Variants in PIGS observed in about 807,000 individuals in gnomAD.
PIGS encodes GPI-anchor transamidase component PIGS.
Under a neutral mutation model 58.2 loss-of-function variants are expected in PIGS, and 37 were observed. The ratio of observed to expected loss-of-function variants is 0.64; its 90% CI spans 0.49 to 0.84. PIGS has a LOEUF of 0.84. Among genes scored for constraint, PIGS ranks in the 40% least tolerant of loss-of-function variants. The pLI, the probability that PIGS is intolerant of heterozygous loss-of-function variation, is 0.00. For missense variants in PIGS, 629 were observed against 710.8 expected (o/e 0.88, Z 1.31); for synonymous variants, 269 against 289.2 (o/e 0.93, Z 0.71).
rs564846271 is a variant in PIGS at position 28,560,759 on chromosome 17, C to G, written c.677-568G>C. On this transcript the variant is annotated intron_variant, in intron 6 of 11. Coordinates refer to ENST00000308360, the MANE Select transcript of PIGS (RefSeq NM_033198.4). ...CGTCACTGCACTCCAGCCTGGACGA[C>G]AGGAGGCTCCGTCTCAAAAAAAAAT... 2.0e-5 allele frequency among the ~76,000 whole-genome samples: 3 copies of G among 151,808 alleles called. No homozygotes were observed. The South Asian group carries it at 6.2e-4, about 32-fold the overall frequency.
rs1223151213 is a variant in PIGS, at chr17:28,563,918, T to TAAG, written c.287-14_287-12dup. 1 of 1,608,572 alleles carries TAAG rather than the reference T, an allele frequency of 6.2e-7. No homozygotes were observed. Among genetic ancestry groups the TAAG allele is most frequent in the Non-Finnish European group, 8.5e-7 (1 of 1,175,044 alleles). ...TGATTTTCATTTTGTCTGGGAGGGA[T>TAAG]AAGAAGTAGCACAATGAAAAGGGCA... On this transcript the variant is annotated splice_polypyrimidine_tract_variant and intron_variant, in intron 3 of 11. Coordinates refer to ENST00000308360, the MANE Select transcript of PIGS (RefSeq NM_033198.4).
In PIGS at chr17:28,571,096, G is replaced by C. The variant is rs748352991; in HGVS notation, c.127C>G (p.Arg43Gly). 8 of 1,613,962 alleles carry C rather than the reference G, an allele frequency of 5.0e-6. No individual in the cohort carries two copies. Among genetic ancestry groups the C allele is most frequent in the Admixed American group, 3.3e-5 (2 of 60,004 alleles). Residue 43 changes from arginine (R) to glycine (G), a missense_variant, in exon 2 of 12, where the codon CGG becomes GGG. Physicochemically the swap from Arg to Gly is moderately radical, Grantham distance 125. Coordinates refer to ENST00000308360, the MANE Select transcript of PIGS (RefSeq NM_033198.4). ...ATCTGGGAGTAAGGCAACGAGGCCC[G>C]GTAGGTCTCCGTGGTCTTCCACCAG... The part of the protein sequence containing the change: ...PLWWKTTETY[R>G]ASLPYSQISG...
intron 1 of PIGS, 105 bp downstream of exon 1, chr17:28,571,358 C>G: frequency 6.5e-7 from 1 of 1,539,390 alleles, no homozygotes; most frequent in Non-Finnish European, 8.8e-7. Flanking sequence ...AAGAGACCCC[C>G]GAGCCCCCCG....
Position 28,571,477 on chromosome 17 carries a change from G to A in PIGS, c.20C>T (p.Ala7Val), listed in dbSNP as rs1426960681. The A allele has an allele frequency of 1.2e-6, 2 of 1,608,720 alleles. No homozygotes were observed. Among genetic ancestry groups the A allele is most frequent in the South Asian group, 1.1e-5 (1 of 90,330 alleles). The change falls in exon 1 of 12, where the codon GCG (alanine) becomes GTG (valine). Residue 7 changes from alanine (A) to valine (V), a missense_variant. Coordinates refer to ENST00000308360, the MANE Select transcript of PIGS (RefSeq NM_033198.4). ...GCCCACCGCACCTAGGTGTGTAGCC[G>A]CAGCCCCGGCGGCCGCCATGCTAGC... is the stretch of plus-strand genomic sequence containing the variant. MAAAGAAATHLEVARGK... is the reference protein window; with the variant it reads MAAAGAVATHLEVARGK...
intron 5 of PIGS, among the ~76,000 whole-genome samples, chr17:28,562,559 G>C (rs199709858): frequency 6.6e-6 from 1 of 151,160 alleles, no homozygotes; most frequent in Admixed American, 6.6e-5. Flanking sequence ...TCAGCCTCTC[G>C]AGTAGCTGGG....
intron 5 of PIGS, among the ~76,000 whole-genome samples, chr17:28,562,243 T>G (rs1280457727): frequency 6.6e-6 from 1 of 152,150 alleles, no homozygotes; most frequent in Non-Finnish European, 1.5e-5. Context: ...AGATACAGCA[T>G]ATGTGATCAA....
chr17:28,570,221 T>C (rs1225395627), intron 3 of PIGS, among the ~76,000 whole-genome samples: 1 of 152,230 alleles, frequency 6.6e-6, no homozygotes, highest in African/African-American at 2.4e-5. Context: ...AATGTTAAAC[T>C]GAATAGGGGC....
rs746191976 is a variant in PIGS at position 28,554,361 on chromosome 17, G to A, written c.1527C>T (p.His509=). The change falls in exon 12 of 12, where the codon CAC becomes CAT. Residue 509 remains histidine, a synonymous_variant. Transcript: ENST00000308360. The stretch of plus-strand genomic sequence containing the variant: ...TCTGGTCATCAGGGAAATAAAGGAG[G>A]TGGAGGAGTGACGGGTCAAAGAAGG... ...ELAFFDPSLL[H]LLYFPDDQKF... The A allele has an allele frequency of 1.5e-5, 24 of 1,614,090 alleles. No individual in the cohort carries two copies. In the Middle Eastern group the frequency reaches 4.9e-4, roughly 33 times the overall value.
rs950678718 is a variant in PIGS at position 28,566,557 on chromosome 17, C to T, written c.287-2650G>A. On this transcript the variant is annotated intron_variant, in intron 3 of 11. Coordinates refer to ENST00000308360, the MANE Select transcript of PIGS (RefSeq NM_033198.4). ...TTACCCGCCTCAGCCTCCCAAAGTG[C>T]TGGGATTACAGGCGTGAGCCACCGC... is the stretch of plus-strand genomic sequence containing the variant. Among the ~76,000 whole-genome samples, 9 of 150,250 alleles carry T rather than the reference C, an allele frequency of 6.0e-5. No individual in the cohort carries two copies. The East Asian group carries it at 1.6e-3, about 26-fold the overall frequency.
chr17:28,555,959 A>C (rs780822170), intron 10 of PIGS: 16 of 530,586 alleles, frequency 3.0e-5, no homozygotes, highest in Non-Finnish European at 4.4e-5. Context: ...ACAGAGCAAG[A>C]CTCCGTCTCA....
chr17:28,561,288 A>AATG (rs754725599), intron 6 of PIGS, 134 bp downstream of exon 6: 16 of 538,900 alleles, frequency 3.0e-5, no homozygotes, highest in Non-Finnish European at 4.4e-5. Flanking sequence ...TAATAATAAT[A>AATG]ATAATAACAT....
chr17:28,556,217 C>G lies in PIGS; in HGVS notation c.1130G>C (p.Arg377Thr). ...KTYNASVLPVRVEVDMVRVME... is the reference protein window; with the variant it reads ...KTYNASVLPVTVEVDMVRVME... ...CACTCGCACCATGTCCACCTCGACT[C>G]TCACTGGCAGCACTGAGGCATTATA... The change falls in exon 10 of 12, where the codon AGA (arginine) becomes ACA (threonine). Residue 377 changes from arginine to threonine, a missense_variant. Transcript: ENST00000308360. The G allele has an allele frequency of 1.2e-6, 2 of 1,614,114 alleles. No individual in the cohort carries two copies. The highest frequency in any genetic ancestry group is 1.7e-6 in the Non-Finnish European group (2 of 1,179,960).
chr17:28,567,537 C>T (rs977096098), intron 3 of PIGS, among the ~76,000 whole-genome samples: 2 of 152,120 alleles, frequency 1.3e-5, no homozygotes, highest in Non-Finnish European at 2.9e-5. Flanking sequence ...TGGAATAAAC[C>T]ATCTGTGAAA....
chr17:28,560,495 T>C (rs890290207), intron 6 of PIGS: 1 of 283,092 alleles, frequency 3.5e-6, no homozygotes, highest in African/African-American at 2.3e-5. Context: ...AATACAAATA[T>C]CGGCCGGGTG....
upstream of PIGS, chr17:28,571,524 TG>T: frequency 6.3e-7 from 1 of 1,590,604 alleles, no homozygotes; most frequent in Non-Finnish European, 8.6e-7. Flanking sequence ...CCGGCCACCG[TG>T]GGGGCAGAGC....
Position 28,558,516 on chromosome 17 carries a change from G to C in PIGS, c.894C>G (p.His298Gln). 6.2e-7 allele frequency: 1 copy of C among 1,613,292 alleles called. No homozygotes were observed. The highest frequency in any genetic ancestry group is 8.5e-7 in the Non-Finnish European group (1 of 1,179,782). ...SASSSYYLDM[H>Q]SLPHVINPVE... ...CTGGGTTGATGACATGGGGGAGGCT[G>C]TGCATGTCCAAATAGTAGCTGGAGG... The change falls in exon 8 of 12, where the codon CAC (histidine) becomes CAG (glutamine). Residue 298 changes from histidine to glutamine, a missense_variant. Transcript: ENST00000308360.
At position 28,556,964 on chromosome 17, in the gene PIGS, C is replaced by T; in HGVS notation, c.943G>A (p.Ala315Thr). 6.2e-7 allele frequency: 1 copy of T among 1,614,048 alleles called. No individual in the cohort carries two copies. The highest frequency in any genetic ancestry group is 8.5e-7 in the Non-Finnish European group (1 of 1,179,990). Residue 315 changes from alanine to threonine, a missense_variant, in exon 9 of 12, where the codon GCT (alanine) becomes ACT (threonine). By Grantham distance (58) the Ala-to-Thr change is moderately conservative. Coordinates refer to ENST00000308360, the MANE Select transcript of PIGS (RefSeq NM_033198.4). ...TTGAGCACAGGGTACAAGGAGGCAG[C>T]ACTGGATCCTGTGGTATAAAGGGAA... ...NPVESRLGSS[A>T]ASLYPVLNFL...
At chr17:28,568,206 G>A (rs1466805130) in intron 3 of PIGS, among the ~76,000 whole-genome samples, 2 of 151,870 alleles carry the variant, frequency 1.3e-5, no homozygotes, top group Non-Finnish European at 2.9e-5. Flanking sequence ...AGGTTCAAGC[G>A]ATTCTCCTGC....
intron 3 of PIGS, among the ~76,000 whole-genome samples, chr17:28,565,790 G>A (rs1357460641): frequency 1.3e-5 from 2 of 152,180 alleles, no homozygotes; most frequent in Admixed American, 1.3e-4. Context: ...AGCACTTTAG[G>A]AGGCCAAGAC....
Sources: gnomAD v4.1 joint callset for allele counts (sites outside exome capture counted in the v4.1 genomes callset) on GRCh38, gnomAD v4.1.1 for gene constraint, MANE v1.5 for transcripts, NCBI Gene and HGNC (gene_info 2026-07-23, HGNC 2026-07-21) for gene names.